DMD: variants seen among roughly 807,000 people sequenced by gnomAD.
DMD encodes dystrophin.
DMD carries 63 observed loss-of-function variants against 330.1 expected under a neutral mutation model. That is an observed-to-expected ratio of 0.19 (90% CI 0.16 to 0.24). DMD has a LOEUF of 0.24. Ranked by LOEUF, DMD falls within the 10% of genes least tolerant of loss-of-function variation. The pLI, the probability that DMD is intolerant of heterozygous loss-of-function variation, is 1.00. For missense variants in DMD, 3,344 were observed against 2,684.1 expected (o/e 1.25, Z -5.43); for synonymous variants, 1,223 against 959.8 (o/e 1.27, Z -5.07).
At chrX:33,053,146 A>C (rs997527227) in intron 1 of DMD, among the ~76,000 whole-genome samples, 10 of 111,610 alleles carry the variant, frequency 9.0e-5, no homozygotes, top group African/African-American at 2.9e-4. Flanking sequence ...TTACTCATTT[A>C]ATTACTCACG....
chrX:31,793,215 C>T (rs1164006145), intron 50 of DMD, among the ~76,000 whole-genome samples: 1 of 110,334 alleles, frequency 9.1e-6, no homozygotes, highest in Admixed American at 9.7e-5. Flanking sequence ...GGGGTGGGGC[C>T]ATGGGTGGTT....
chrX:33,166,095 C>T (rs971958793), intron 1 of DMD, among the ~76,000 whole-genome samples: 2 of 111,205 alleles, frequency 1.8e-5, no homozygotes, highest in African/African-American at 6.5e-5. Context: ...TGTGGGAAAT[C>T]GGAGATGGCA....
intron 62 of DMD, among the ~76,000 whole-genome samples, chrX:31,304,017 T>C (rs1210968345): frequency 8.9e-6 from 1 of 112,293 alleles, no homozygotes; most frequent in Non-Finnish European, 1.9e-5. Context: ...AGAGTATATC[T>C]TTAGATAAAT....
intron 1 of DMD, among the ~76,000 whole-genome samples, chrX:33,239,136 A>G (rs2052540021): frequency 9.3e-6 from 1 of 107,738 alleles, no homozygotes; most frequent in African/African-American, 3.4e-5. Flanking sequence ...GGGCGCCTGT[A>G]ATCCCAGCTA....
chrX:32,714,515 C>T (rs185425920), intron 7 of DMD, among the ~76,000 whole-genome samples: 4 of 111,624 alleles, frequency 3.6e-5, no homozygotes, highest in East Asian at 2.8e-4. Context: ...CTTTGTGGCT[C>T]GTTAGTATTC....
At chrX:33,087,790 G>A (rs1197904609) in intron 1 of DMD, among the ~76,000 whole-genome samples, 1 of 111,527 alleles carries the variant, frequency 9.0e-6, no homozygotes, top group Non-Finnish European at 1.9e-5. Context: ...AATAAAGTTG[G>A]CTCTTATAAT....
intron 2 of DMD, among the ~76,000 whole-genome samples, chrX:32,924,409 C>A (rs751571200): frequency 8.1e-4 from 90 of 110,825 alleles, no homozygotes; most frequent in Middle Eastern, 4.6e-3. Flanking sequence ...GCACTTGTCC[C>A]AGCTACTCAG....
At chrX:31,206,537 A>G (rs748639385) in intron 66 of DMD, 45 bp downstream of exon 66, 1 of 1,063,587 alleles carries the variant, frequency 9.4e-7, no homozygotes, top group South Asian at 1.9e-5. Context: ...TAGGGTAATT[A>G]GCCAACATTA....
At chrX:33,334,633 TTGAAA>T (rs1241071140) in intron 1 of DMD, among the ~76,000 whole-genome samples, 10 of 111,378 alleles carry the variant, frequency 9.0e-5, no homozygotes, top group African/African-American at 2.9e-4. Context: ...AGAAATATTC[TTGAAA>T]TGAAACAATT....
intron 2 of DMD, among the ~76,000 whole-genome samples, chrX:32,967,269 T>C (rs1428073147): frequency 9.0e-6 from 1 of 111,128 alleles, no homozygotes; most frequent in African/African-American, 3.3e-5. Context: ...ATGATGGAGA[T>C]CACAGAAAGC....
At chrX:32,115,201 T>G (rs141236692) in intron 44 of DMD, among the ~76,000 whole-genome samples, 1,951 of 111,362 alleles carry the variant, frequency 0.018, 47 homozygotes, top group African/African-American at 0.061. Flanking sequence ...GTCCCATGTC[T>G]TTAAAAACCA....
chrX:32,931,816 A>T (rs984549955), intron 2 of DMD, among the ~76,000 whole-genome samples: 2 of 111,806 alleles, frequency 1.8e-5, no homozygotes, highest in Non-Finnish European at 3.8e-5. Flanking sequence ...CTTATATTTC[A>T]TCATAAAGCT....
At chrX:32,962,724 T>A (rs192700798) in intron 2 of DMD, among the ~76,000 whole-genome samples, 1 of 112,192 alleles carries the variant, frequency 8.9e-6, no homozygotes, top group East Asian at 2.8e-4. Flanking sequence ...GTTACTGATC[T>A]GGCTTAATAA....
At chrX:32,883,823 C>CCAAAAAA (rs1169678184) in intron 2 of DMD, among the ~76,000 whole-genome samples, 3 of 30,352 alleles carry the variant, frequency 9.9e-5, no homozygotes, top group African/African-American at 4.3e-4. Flanking sequence ...GACTCTGTTT[C>CCAAAAAA]AAAAAAAAAA....
At chrX:33,224,741 C>T (rs2052253307) in intron 1 of DMD, among the ~76,000 whole-genome samples, 2 of 111,029 alleles carry the variant, frequency 1.8e-5, no homozygotes, top group East Asian at 2.8e-4. Flanking sequence ...GATGTGTTGA[C>T]GTAGGTTCAT....
chrX:31,639,459 C>A (rs2079602959), intron 54 of DMD, among the ~76,000 whole-genome samples: 1 of 111,914 alleles, frequency 8.9e-6, no homozygotes, highest in African/African-American at 3.3e-5. Flanking sequence ...ATTTTTCAGC[C>A]ATGCAACTAA....
At chrX:32,250,226 G>A (rs2097258220) in intron 43 of DMD, among the ~76,000 whole-genome samples, 1 of 110,634 alleles carries the variant, frequency 9.0e-6, no homozygotes, top group South Asian at 3.9e-4. Context: ...TATTGGAAAT[G>A]GGTTTTTCAA....
At chrX:31,266,798 C>T (rs1450950751) in intron 62 of DMD, 1 of 1,196,064 alleles carries the variant, frequency 8.4e-7, no homozygotes, top group African/African-American at 1.8e-5. Context: ...GCCGGGGCCG[C>T]GATCCACTTA....
At chrX:32,738,277 C>T (rs1166540856) in intron 7 of DMD, among the ~76,000 whole-genome samples, 1 of 111,105 alleles carries the variant, frequency 9.0e-6, no homozygotes, top group Non-Finnish European at 1.9e-5. Context: ...CTTTTAAAAT[C>T]ATCACTCCCT....
Sources: gnomAD v4.1 joint callset for allele counts (sites outside exome capture counted in the v4.1 genomes callset) on GRCh38, gnomAD v4.1.1 for gene constraint, MANE v1.5 for transcripts, NCBI Gene and HGNC (gene_info 2026-07-23, HGNC 2026-07-21) for gene names.